Variants in ATG9A observed in about 807,000 individuals in gnomAD.
ATG9A encodes the protein autophagy related 9A.
In ATG9A, 21 loss-of-function variants were observed where a neutral mutation model predicts 87.1. The ratio of observed to expected loss-of-function variants is 0.24; its 90% CI spans 0.17 to 0.35. The LOEUF (loss-of-function observed/expected upper bound fraction) is 0.35, where lower values mean the gene tolerates loss of function less well. ATG9A is among the 10% of genes least tolerant of loss of function. The pLI, the probability that ATG9A is intolerant of heterozygous loss-of-function variation, is 1.00. For missense variants in ATG9A, 836 were observed against 1,107.3 expected (o/e 0.76, Z 3.48); for synonymous variants, 422 against 441.3 (o/e 0.96, Z 0.55).
At chr2:219,221,977 A>G in intron 13 of ATG9A, 73 bp downstream of exon 13, 1 of 1,355,878 alleles carries the variant, frequency 7.4e-7, no homozygotes, top group East Asian at 2.3e-5. Context: ...TAAATGGCAG[A>G]GAAGGGTTTG....
intron 6 of ATG9A, 87 bp from the exon 7 acceptor site, chr2:219,225,299 G>C (rs894889037): frequency 3.1e-6 from 5 of 1,601,454 alleles, no homozygotes. Flanking sequence ...ATTTTTGCTA[G>C]ACCAAGCCTG....
In ATG9A at chr2:219,227,828, CA is replaced by C; in HGVS notation, c.104-16del. On this transcript the variant is annotated splice_polypyrimidine_tract_variant and intron_variant, in intron 3 of 15. Transcript: ENST00000361242. ...GTGCCAAGGTGCTGTGGGATAGGAA[CA>C]GAGATGTCAGAGCCCTGGGAGAACA... is the stretch of plus-strand genomic sequence containing the variant. The C allele has an allele frequency of 6.2e-7, 1 of 1,613,972 alleles. No individual in the cohort carries two copies. Among genetic ancestry groups the C allele is most frequent in the Non-Finnish European group, 8.5e-7 (1 of 1,179,838 alleles).
At chr2:219,228,989 C>T (rs1950937310) in intron 1 of ATG9A, 1 of 152,360 alleles carries the variant, frequency 6.6e-6, no homozygotes, top group Non-Finnish European at 1.5e-5. Context: ...GTAAGCCAGG[C>T]ATGGTCGAGG....
intron 13 of ATG9A, 94 bp downstream of exon 13, chr2:219,221,956 G>T: frequency 2.7e-6 from 3 of 1,094,272 alleles, no homozygotes; most frequent in Non-Finnish European, 4.0e-6. Context: ...GAGTGGAGGT[G>T]GCAGAACAAG....
At chr2:219,225,348 C>T in intron 6 of ATG9A, 63 bp downstream of exon 6, 1 of 1,598,392 alleles carries the variant, frequency 6.3e-7, no homozygotes. Context: ...TCAGACTCCA[C>T]TCTATTACCC....
In ATG9A at chr2:219,222,435, C is replaced by T. The variant is rs530808091; in HGVS notation, c.1864G>A (p.Ala622Thr). Reference sequence around the variant, plus strand: ...CAGGATGAGCCAGCTACCACATTTGCGATAAGGCTCAGGGGCTATGAACGA... The same window carrying T: ...CAGGATGAGCCAGCTACCACATTTGTGATAAGGCTCAGGGGCTATGAACGA... ...QSESEPLSLI[A>T]NVVAGSSCRG... Residue 622 changes from alanine (A) to threonine (T), a missense_variant, in exon 12 of 16, where the codon GCA becomes ACA. This residue lies in a region of ATG9A where 324 missense variants were observed against 347.6 expected (regional missense o/e 0.93). Coordinates refer to ENST00000361242, the MANE Select transcript of ATG9A (RefSeq NM_001077198.3). This position sits in a 1 kb window ranked among gnomAD's most constrained non-coding sequence, Gnocchi z 4.3. 19 of 1,569,286 alleles carry T rather than the reference C, an allele frequency of 1.2e-5. No individual in the cohort carries two copies. The African/African-American group carries it at 1.6e-4, about 14-fold the overall frequency.
rs931066472 is a variant in ATG9A, at chr2:219,220,795, G to A, written c.2466C>T (p.Pro822=). ...CATCCTCCGAGCCCTCTTCGGGCAC[G>A]GGCTCAGGGTGCCTTGATGCCGACT... is the stretch of plus-strand genomic sequence containing the variant. ...DGQSASRHPE[P]VPEEGSEDEL... Residue 822 remains proline (P), a synonymous_variant, in exon 15 of 16, where the codon CCC becomes CCT. Transcript: ENST00000361242. 11 of 1,613,428 alleles carry A rather than the reference G, an allele frequency of 6.8e-6. No individual in the cohort carries two copies. Among genetic ancestry groups the A allele is most frequent in the Middle Eastern group, 1.7e-4 (1 of 6,014 alleles).
chr2:219,227,701 C>T, intron 4 of ATG9A, 69 bp downstream of exon 4: 1 of 1,566,688 alleles, frequency 6.4e-7, no homozygotes, highest in Non-Finnish European at 8.8e-7. Context: ...ACCCCCACCT[C>T]CCACCAGAGC....
Position 219,219,510 on chromosome 2 carries a change from A to T in ATG9A, c.*937T>A, listed in dbSNP as rs796172952. On this transcript the variant is annotated 3_prime_UTR_variant, in exon 16 of 16. Transcript: ENST00000361242. ...ACCACAGCTGGGTGAGGGGTGGGAC[A>T]GAGAGTAGGAGCAGTCCCAGCATGC... The T allele has an allele frequency of 5.9e-5, 9 of 152,844 alleles. No individual in the cohort carries two copies. Among genetic ancestry groups the T allele is most frequent in the African/African-American group, 1.9e-4 (8 of 41,594 alleles). The allele number at this position is 152,844 out of a possible 1,614,324, so 9.5% of individuals were successfully genotyped here. A position where few individuals can be genotyped will look rare whatever the true frequency, so the allele number is the denominator to read the frequency against.
Position 219,226,847 on chromosome 2 carries a change from ATCTGTCCCT to A in ATG9A, c.212+13_212+21del. On this transcript the variant is annotated intron_variant, in intron 5 of 15. Coordinates refer to ENST00000361242, the MANE Select transcript of ATG9A (RefSeq NM_001077198.3). ...CTAAGATGTATTCTTTCACCACATC[ATCTGTCCCT>A]TCTTATACTTACATGAGCTCAAAGA... The A allele has an allele frequency of 6.3e-7, 1 of 1,599,846 alleles. No individual in the cohort carries two copies. The highest frequency in any genetic ancestry group is 8.6e-7 in the Non-Finnish European group (1 of 1,166,936).
intron 4 of ATG9A, among the ~76,000 whole-genome samples, chr2:219,227,360 T>C (rs1950882838): frequency 6.6e-6 from 1 of 151,788 alleles, no homozygotes; most frequent in Non-Finnish European, 1.5e-5. Flanking sequence ...CTATGAAAAA[T>C]ACAAAAAATA....
rs748236540 is a variant in ATG9A, at chr2:219,222,644, CCTCAGA to C, written c.1843_1848del (p.Ser615_Glu616del). The C allele has an allele frequency of 6.2e-7, 1 of 1,614,030 alleles. No homozygotes were observed. Among genetic ancestry groups the C allele is most frequent in the South Asian group, 1.1e-5 (1 of 91,060 alleles). ...TCATCTCCCAGTCACCAGGAACACA[CCTCAGA>C]CTCAGATTGTAAGGACTGGATAGAC... On this transcript the variant is annotated inframe_deletion and splice_region_variant, in exon 11 of 16. Coordinates refer to ENST00000361242, the MANE Select transcript of ATG9A (RefSeq NM_001077198.3). The surrounding 1 kb of genome is among the most constrained non-coding windows in gnomAD (Gnocchi z 4.3).
At position 219,222,013 on chromosome 2, in the gene ATG9A, C is replaced by G; in HGVS notation, c.2145+37G>C. 6.3e-7 allele frequency: 1 copy of G among 1,586,276 alleles called. No homozygotes were observed. The stretch of plus-strand genomic sequence containing the variant: ...GAACCCCGGTCTTGCTTCTCCGCAT[C>G]TAAACCCTCTACTCTCTTTTTTAGC... On this transcript the variant is annotated intron_variant, in intron 13 of 15. Coordinates refer to ENST00000361242, the MANE Select transcript of ATG9A (RefSeq NM_001077198.3). This position sits in a 1 kb window ranked among gnomAD's most constrained non-coding sequence, Gnocchi z 4.3.
At chr2:219,227,205 G>A (rs56981921) in intron 4 of ATG9A, among the ~76,000 whole-genome samples, 3 of 152,198 alleles carry the variant, frequency 2.0e-5, no homozygotes, top group Non-Finnish European at 4.4e-5. Flanking sequence ...TACTTATTAC[G>A]ATTATTTACA....
rs890036741 is a variant in ATG9A at position 219,223,036 on chromosome 2, C to G, written c.1600-143G>C. The G allele has an allele frequency of 4.5e-6, 5 of 1,114,658 alleles. No individual in the cohort carries two copies. Among genetic ancestry groups the G allele is most frequent in the Non-Finnish European group, 6.3e-6 (5 of 791,748 alleles). 69.0% of individuals were successfully genotyped at this position (1,114,658 alleles called of 1,614,324 possible). A position where few individuals can be genotyped will look rare whatever the true frequency, so the allele number is the denominator to read the frequency against. On this transcript the variant is annotated intron_variant, in intron 10 of 15. Transcript: ENST00000361242. This position sits in a 1 kb window ranked among gnomAD's most constrained non-coding sequence, Gnocchi z 4.7. ...CTTTCCCAGGGCACTGGTGCCCCCC[C>G]AGACCCAGGAGGGGCTGCACTGCAT...
At position 219,220,898 on chromosome 2, in the gene ATG9A, G is replaced by A; in HGVS notation, c.2369-6C>T. ...CCTGGGCACTGTGCCAGGATCTGGA[G>A]AGACAAGTAAGAGTAAGCATACTCA... is the stretch of plus-strand genomic sequence containing the variant. On this transcript the variant is annotated splice_region_variant and splice_polypyrimidine_tract_variant and intron_variant, in intron 14 of 15. Coordinates refer to ENST00000361242, the MANE Select transcript of ATG9A (RefSeq NM_001077198.3). The A allele has an allele frequency of 6.2e-7, 1 of 1,612,982 alleles. No homozygotes were observed. Among genetic ancestry groups the A allele is most frequent in the Non-Finnish European group, 8.5e-7 (1 of 1,179,854 alleles).
chr2:219,225,616 G>T (rs762618853), intron 5 of ATG9A, 44 bp from the exon 6 acceptor site: 5 of 1,596,398 alleles, frequency 3.1e-6, no homozygotes, highest in East Asian at 4.5e-5. Context: ...AGCCAGAGAG[G>T]CTCCAGTGAA....
Position 219,220,061 on chromosome 2 carries a change from A to T in ATG9A, c.*386T>A. On this transcript the variant is annotated 3_prime_UTR_variant, in exon 16 of 16. Coordinates refer to ENST00000361242, the MANE Select transcript of ATG9A (RefSeq NM_001077198.3). Reference sequence around the variant, plus strand: ...TTGCAGGGGTTGAGGGTCCAGGCCCAACCTCCCCACTCCACAGTTGGCACA... The same window carrying T: ...TTGCAGGGGTTGAGGGTCCAGGCCCTACCTCCCCACTCCACAGTTGGCACA... 3.9e-6 allele frequency: 1 copy of T among 256,420 alleles called. No individual in the cohort carries two copies. Among genetic ancestry groups the T allele is most frequent in the Non-Finnish European group, 7.6e-6 (1 of 131,606 alleles). 15.9% of individuals were successfully genotyped at this position (256,420 alleles called of 1,614,324 possible).
chr2:219,228,317 TA>T, intron 2 of ATG9A, 116 bp downstream of exon 2: 1 of 405,140 alleles, frequency 2.5e-6, no homozygotes, highest in Non-Finnish European at 4.5e-6. Context: ...TTTCATCTTC[TA>T]TTTAACGGAC....
Sources: gnomAD v4.1 joint callset for allele counts (sites outside exome capture counted in the v4.1 genomes callset) on GRCh38, gnomAD v4.1.1 for gene constraint, gnomAD v4.1.1 regional missense constraint, Gnocchi (gnomAD v3.1) non-coding constraint, MANE v1.5 for transcripts, NCBI Gene and HGNC (gene_info 2026-07-23, HGNC 2026-07-21) for gene names.